Variants in RANBP2 observed in about 807,000 individuals in gnomAD.
The protein encoded by RANBP2 is RAN binding protein 2.
In RANBP2, 57 loss-of-function variants were observed where a neutral mutation model predicts 303.6. The ratio of observed to expected loss-of-function variants is 0.19; its 90% CI spans 0.15 to 0.23. The LOEUF (loss-of-function observed/expected upper bound fraction) is 0.23. RANBP2 is among the 10% of genes least tolerant of loss of function. The probability of loss-of-function intolerance (pLI) is 1.00; values close to 1 mark genes in which losing one functional copy is unlikely to be tolerated. For missense variants in RANBP2, 3,138 were observed against 3,780.8 expected (o/e 0.83, Z 4.46); for synonymous variants, 1,167 against 1,301.5 (o/e 0.90, Z 2.23).
chr2:109,131,824 T>G, the RANBP2 span, among the ~76,000 whole-genome samples: 1 of 152,236 alleles, frequency 6.6e-6, no homozygotes, highest in Non-Finnish European at 1.5e-5. Context: ...TGTTCATGAC[T>G]TTTTGTGTTT....
At chr2:109,254,350 G>A in the RANBP2 span, among the ~76,000 whole-genome samples, 2 of 152,158 alleles carry the variant, frequency 1.3e-5, no homozygotes, top group South Asian at 4.1e-4. Flanking sequence ...TCCTGTGCAA[G>A]TTGGCCTCTC....
At chr2:108,917,522 C>T in the RANBP2 span, among the ~76,000 whole-genome samples, 1 of 152,176 alleles carries the variant, frequency 6.6e-6, no homozygotes, top group East Asian at 1.9e-4. Flanking sequence ...CTCTGTACCC[C>T]ATAAACATGT....
At chr2:109,277,568 C>T in the RANBP2 span, among the ~76,000 whole-genome samples, 2 of 152,188 alleles carry the variant, frequency 1.3e-5, no homozygotes, top group Admixed American at 1.3e-4. Flanking sequence ...CTGAGACTTA[C>T]GTGTACACTG....
chr2:108,809,778 A>G, the RANBP2 span, among the ~76,000 whole-genome samples: 1 of 147,642 alleles, frequency 6.8e-6, no homozygotes, highest in African/African-American at 2.5e-5. Flanking sequence ...AAGAAGGACA[A>G]TTTGACTCAT....
chr2:109,009,741 T>C, the RANBP2 span, among the ~76,000 whole-genome samples: 1 of 146,120 alleles, frequency 6.8e-6, no homozygotes, highest in Non-Finnish European at 1.5e-5. Flanking sequence ...GACAAGGATC[T>C]CTCTATGTTT....
the RANBP2 span, among the ~76,000 whole-genome samples, chr2:109,656,336 GTTTT>G: frequency 6.6e-6 from 1 of 150,462 alleles, no homozygotes; most frequent in South Asian, 2.1e-4. Flanking sequence ...AAATTCTGGG[GTTTT>G]TTTGTTTGTT....
the RANBP2 span, among the ~76,000 whole-genome samples, chr2:109,441,862 C>T: frequency 6.6e-6 from 1 of 152,048 alleles, no homozygotes; most frequent in Non-Finnish European, 1.5e-5. Flanking sequence ...ATGTCAAGAA[C>T]AGTTCAAGTG....
At chr2:109,208,580 C>G in the RANBP2 span, among the ~76,000 whole-genome samples, 2 of 152,240 alleles carry the variant, frequency 1.3e-5, no homozygotes, top group Admixed American at 6.5e-5. Context: ...GAGCTGTTCC[C>G]ACCAAGCTCT....
the RANBP2 span, among the ~76,000 whole-genome samples, chr2:108,937,230 T>C: frequency 1.3e-5 from 2 of 152,200 alleles, no homozygotes; most frequent in Admixed American, 6.5e-5. Context: ...AATCTTTCAT[T>C]TGCAAACTCC....
chr2:109,149,992 C>A, the RANBP2 span, among the ~76,000 whole-genome samples: 12 of 152,316 alleles, frequency 7.9e-5, no homozygotes, highest in African/African-American at 2.4e-4. Flanking sequence ...GGAACCTCCC[C>A]AAACACTGAT....
chr2:109,551,880 C>T, the RANBP2 span, among the ~76,000 whole-genome samples: 4 of 152,178 alleles, frequency 2.6e-5, no homozygotes, highest in Admixed American at 1.3e-4. Context: ...AACAAAACTA[C>T]AGAAGTTCAG....
the RANBP2 span, among the ~76,000 whole-genome samples, chr2:109,240,903 T>C: frequency 6.7e-6 from 1 of 148,966 alleles, no homozygotes; most frequent in African/African-American, 2.5e-5. Flanking sequence ...TCTCTCTGTC[T>C]TGCTCCCCGC....
chr2:109,477,262 G>T, the RANBP2 span, among the ~76,000 whole-genome samples: 1 of 152,196 alleles, frequency 6.6e-6, no homozygotes, highest in Non-Finnish European at 1.5e-5. Context: ...GGCCCAGAGT[G>T]GGGGAAGTCA....
At chr2:108,978,031 G>A in the RANBP2 span, among the ~76,000 whole-genome samples, 1 of 152,208 alleles carries the variant, frequency 6.6e-6, no homozygotes, top group Admixed American at 6.5e-5. Flanking sequence ...ACAGAACAGG[G>A]CTGCGGTTCA....
chr2:109,338,862 C>T, the RANBP2 span, among the ~76,000 whole-genome samples: 2 of 152,200 alleles, frequency 1.3e-5, no homozygotes, highest in Admixed American at 6.5e-5. Flanking sequence ...TAACTTTTGA[C>T]TCCCTCAAAC....
chr2:109,156,814 C>CCT, the RANBP2 span, among the ~76,000 whole-genome samples: 2 of 152,126 alleles, frequency 1.3e-5, no homozygotes, highest in Admixed American at 1.3e-4. Context: ...TCTCTGCTGA[C>CCT]CTGATTGCCA....
chr2:108,808,771 T>C, the RANBP2 span, among the ~76,000 whole-genome samples: 22 of 152,232 alleles, frequency 1.4e-4, no homozygotes, highest in African/African-American at 4.1e-4. Flanking sequence ...ATGAATAGTT[T>C]GCATATATTT....
the RANBP2 span, among the ~76,000 whole-genome samples, chr2:109,007,592 C>T: frequency 1.1e-3 from 170 of 152,322 alleles, no homozygotes; most frequent in Non-Finnish European, 2.1e-3. Flanking sequence ...GATGGCAGAG[C>T]TCCCCTCTGA....
the RANBP2 span, among the ~76,000 whole-genome samples, chr2:108,894,298 T>TGAATGG: frequency 6.6e-6 from 1 of 152,240 alleles, no homozygotes; most frequent in Non-Finnish European, 1.5e-5. Flanking sequence ...TTCTGCCTAG[T>TGAATGG]GAATGTCCCA....
Sources: allele counts gnomAD v4.1 joint callset (sites outside exome capture counted in the v4.1 genomes callset), GRCh38; gene constraint gnomAD v4.1.1; transcripts MANE v1.5; gene names NCBI Gene and HGNC (gene_info 2026-07-23, HGNC 2026-07-21).